The following MAMLD1 variants were observed in gnomAD, a reference collection of about 807,000 sequenced individuals.
MAMLD1 encodes the protein mastermind-like domain-containing protein 1.
A neutral mutation model predicts 45.0 loss-of-function variants in MAMLD1; 14 were observed. The ratio of observed to expected loss-of-function variants is 0.31; its 90% CI spans 0.21 to 0.49. The LOEUF (loss-of-function observed/expected upper bound fraction) is 0.49, where lower values mean the gene tolerates loss of function less well. MAMLD1 is among the 20% of genes least tolerant of loss of function. MAMLD1 has a pLI of 0.99. For missense variants in MAMLD1, 543 were observed against 603.6 expected, an observed-to-expected ratio of 0.90 and a Z score of 1.05; for synonymous variants, 254 against 247.8, an observed-to-expected ratio of 1.02 and a Z score of -0.24.
chrX:150,513,578 C>CT lies in MAMLD1; in HGVS notation c.*1621dup. 1 of 298,426 alleles carries CT rather than the reference C, an allele frequency of 3.4e-6. No individual in the cohort carries two copies. The highest frequency in any genetic ancestry group is 5.8e-6 in the Non-Finnish European group (1 of 171,160). 24.6% of individuals were successfully genotyped at this position (298,426 alleles called of 1,213,427 possible). A position where few individuals can be genotyped will look rare whatever the true frequency, so the allele number is the denominator to read the frequency against. On this transcript the variant is annotated 3_prime_UTR_variant, in exon 8 of 8. Transcript: ENST00000370401. ...CTATGTTCACTAAAAATCCTATTGC[C>CT]TTGTGTGATTCTTAATCTCTTTTGC...
At chrX:150,371,080 A>T (rs1021814773) in intron 1 of MAMLD1, among the ~76,000 whole-genome samples, 4 of 109,991 alleles carry the variant, frequency 3.6e-5, no homozygotes, top group Non-Finnish European at 5.7e-5. Context: ...AGGACCCCCG[A>T]CCCACCCACC....
At chrX:150,436,505 G>A (rs2035128325) in intron 1 of MAMLD1, among the ~76,000 whole-genome samples, 1 of 111,772 alleles carries the variant, frequency 8.9e-6, no homozygotes, top group African/African-American at 3.3e-5. Flanking sequence ...AGCTTGGTCA[G>A]TCCTGCTGTT....
At chrX:150,497,266 ATTTTTTTCT>A (rs1569565027) in intron 5 of MAMLD1, among the ~76,000 whole-genome samples, 2 of 101,108 alleles carry the variant, frequency 2.0e-5, no homozygotes, top group African/African-American at 3.7e-5. Context: ...TTTTTAAAAA[ATTTTTTTCT>A]TTTTTTTCTT....
chrX:150,495,686 G>C, intron 5 of MAMLD1, among the ~76,000 whole-genome samples: 4 of 112,513 alleles, frequency 3.6e-5, no homozygotes. Flanking sequence ...CACAGAGTCA[G>C]AGAGGGGATT....
At chrX:150,506,186 TG>T (rs2037721585) in intron 6 of MAMLD1, among the ~76,000 whole-genome samples, 1 of 111,266 alleles carries the variant, frequency 9.0e-6, no homozygotes, top group Admixed American at 9.5e-5. Context: ...TGGCTCTCTG[TG>T]GGGGCACTCA....
At chrX:150,439,239 T>A (rs1482664549) in intron 1 of MAMLD1, among the ~76,000 whole-genome samples, 1 of 112,051 alleles carries the variant, frequency 8.9e-6, no homozygotes, top group Admixed American at 9.5e-5. Flanking sequence ...TTCTAGAGAC[T>A]AGGTTTTAAT....
At position 150,435,777 on chromosome X, in the gene MAMLD1, T is replaced by C. The variant is rs781838212; in HGVS notation, c.-63-9677T>C. 2.0e-4 allele frequency among the ~76,000 whole-genome samples: 22 copies of C among 112,512 alleles called. 1 individual carries two copies. In the South Asian group the frequency reaches 7.4e-3, roughly 38 times the overall value. On this transcript the variant is annotated intron_variant, in intron 1 of 7. Transcript: ENST00000370401. Reference sequence around the variant, plus strand: ...TCATCATGTTGTTTACTGGTTATTATACAGGATTTTTTGTGTGGTTGCTTT... The same window carrying C: ...TCATCATGTTGTTTACTGGTTATTACACAGGATTTTTTGTGTGGTTGCTTT...
intron 1 of MAMLD1, among the ~76,000 whole-genome samples, chrX:150,433,077 T>G (rs2035007337): frequency 8.9e-6 from 1 of 111,915 alleles, no homozygotes; most frequent in South Asian, 3.7e-4. Flanking sequence ...TTGTGTCATT[T>G]CTGATTTATT....
chrX:150,487,064 T>A (rs1458413899), intron 5 of MAMLD1, among the ~76,000 whole-genome samples: 1 of 111,755 alleles, frequency 8.9e-6, no homozygotes, highest in Non-Finnish European at 1.9e-5. Flanking sequence ...GCCCTGGAAT[T>A]TGCATTTGTA....
In MAMLD1 at chrX:150,512,070, T is replaced by A; in HGVS notation, c.*111T>A. The A allele has an allele frequency of 8.8e-7, 1 of 1,135,776 alleles. No homozygotes were observed. Among genetic ancestry groups the A allele is most frequent in the Non-Finnish European group, 1.2e-6 (1 of 861,736 alleles). The allele number at this position is 1,135,776 out of a possible 1,213,427, so 93.6% of individuals were successfully genotyped here. On this transcript the variant is annotated 3_prime_UTR_variant, in exon 8 of 8. Transcript: ENST00000370401. The stretch of plus-strand genomic sequence containing the variant: ...GCAAGCCCCCCATCTAGCAAGCACT[T>A]GATGCCACCCAGAACTGGGCTTCTT...
chrX:150,363,139 C>A (rs1350233047), upstream of MAMLD1: 1 of 112,826 alleles, frequency 8.9e-6, no homozygotes, highest in Non-Finnish European at 1.9e-5. Context: ...GCGCGGCTTC[C>A]CCTTTAAGGC....
At chrX:150,369,132 A>G (rs782454518) in intron 1 of MAMLD1, among the ~76,000 whole-genome samples, 4 of 110,214 alleles carry the variant, frequency 3.6e-5, no homozygotes, top group African/African-American at 1.3e-4. Context: ...GATGGCATTG[A>G]ATAAACCCTT....
chrX:150,427,021 A>G (rs1301387476), intron 1 of MAMLD1, among the ~76,000 whole-genome samples: 2 of 111,725 alleles, frequency 1.8e-5, no homozygotes, highest in African/African-American at 6.5e-5. Flanking sequence ...CTAGGGAAAG[A>G]CCTGTTCTAG....
intron 5 of MAMLD1, among the ~76,000 whole-genome samples, chrX:150,489,108 A>G (rs782739067): frequency 3.6e-5 from 4 of 112,261 alleles, no homozygotes; most frequent in Non-Finnish European, 7.5e-5. Flanking sequence ...ATAACAATAA[A>G]ACTCAGGCAG....
At chrX:150,502,025 A>T (rs1243958923) in intron 5 of MAMLD1, among the ~76,000 whole-genome samples, 1 of 112,516 alleles carries the variant, frequency 8.9e-6, no homozygotes, top group Non-Finnish European at 1.9e-5. Context: ...TTTCTCATAG[A>T]TGGCTATTTA....
rs1557402542 is a variant in MAMLD1 at position 150,403,135 on chromosome X, A to T, written c.-64+39605A>T. Among the ~76,000 whole-genome samples, 3 of 111,959 alleles carry T rather than the reference A, an allele frequency of 2.7e-5. No homozygotes were observed. The East Asian group carries it at 8.4e-4, about 31-fold the overall frequency. On this transcript the variant is annotated intron_variant, in intron 1 of 7. Transcript: ENST00000370401. ...ATGATTCAGCCCCCAAAGGAAATAA[A>T]GTACTGATCCATGCTACATCATGGA...
intron 4 of MAMLD1, among the ~76,000 whole-genome samples, chrX:150,472,475 A>T (rs782528866): frequency 8.9e-6 from 1 of 112,222 alleles, no homozygotes; most frequent in East Asian, 2.8e-4. Flanking sequence ...TTCCAAGCCC[A>T]CTCATGTGGT....
At chrX:150,416,137 C>G (rs2034242789) in intron 1 of MAMLD1, among the ~76,000 whole-genome samples, 6 of 111,784 alleles carry the variant, frequency 5.4e-5, no homozygotes, top group East Asian at 2.8e-4. Flanking sequence ...GCATGTTTTC[C>G]TGTTGACTCC....
At chrX:150,464,601 T>C (rs1252986308) in intron 3 of MAMLD1, among the ~76,000 whole-genome samples, 4 of 112,358 alleles carry the variant, frequency 3.6e-5, no homozygotes, top group African/African-American at 1.3e-4. Context: ...ATATTCATTC[T>C]GTCTTTCTCT....
Sources: allele counts gnomAD v4.1 joint callset (sites outside exome capture counted in the v4.1 genomes callset), GRCh38; gene constraint gnomAD v4.1.1; transcripts MANE v1.5; gene names NCBI Gene and HGNC (gene_info 2026-07-23, HGNC 2026-07-21).